Variants in MTFR1 observed in about 807,000 individuals in gnomAD.
MTFR1 encodes mitochondrial fission regulator 1, also known as chondrocyte protein with a poly-proline region.
In MTFR1, 28 loss-of-function variants were observed where a neutral mutation model predicts 38.8. The ratio of observed to expected loss-of-function variants is 0.72; its 90% CI spans 0.53 to 0.99. The LOEUF (loss-of-function observed/expected upper bound fraction) is 0.99. Ranked by LOEUF, MTFR1 falls within the 50% of genes least tolerant of loss-of-function variation. MTFR1 has a pLI of 0.00. For missense variants in MTFR1, 358 were observed against 395.5 expected (o/e 0.91, Z 0.81); for synonymous variants, 145 against 137.0 (o/e 1.06, Z -0.41).
chr8:65,744,863 T>C (rs1375851658), intron 3 of MTFR1, among the ~76,000 whole-genome samples: 3 of 152,154 alleles, frequency 2.0e-5, no homozygotes, highest in Non-Finnish European at 4.4e-5. Context: ...AACATAAAAT[T>C]ATGAGATTGA....
intron 3 of MTFR1, chr8:65,739,413 A>G: frequency 7.3e-7 from 1 of 1,379,006 alleles, no homozygotes; most frequent in Non-Finnish European, 9.5e-7. Flanking sequence ...TTATAGAGCA[A>G]TAGCTAACCG....
intron 1 of MTFR1, among the ~76,000 whole-genome samples, chr8:65,649,775 C>T (rs1809066084): frequency 6.6e-6 from 1 of 151,932 alleles, no homozygotes; most frequent in Non-Finnish European, 1.5e-5. Flanking sequence ...TTAACCATCC[C>T]TACTCCATCT....
intron 2 of MTFR1, among the ~76,000 whole-genome samples, chr8:65,681,402 G>A (rs186660590): frequency 1.3e-4 from 20 of 152,322 alleles, no homozygotes; most frequent in African/African-American, 4.6e-4. Flanking sequence ...TTACAGGCAG[G>A]AGCCGCCGCA....
At chr8:65,719,765 C>A in intron 3 of MTFR1, 1 of 432,496 alleles carries the variant, frequency 2.3e-6, no homozygotes, top group Non-Finnish European at 4.2e-6. Context: ...CTCAGTGGCA[C>A]AACTACATTC....
chr8:65,662,226 T>G (rs1468466552), intron 1 of MTFR1, among the ~76,000 whole-genome samples: 1 of 152,042 alleles, frequency 6.6e-6, no homozygotes, highest in East Asian at 1.9e-4. Flanking sequence ...GCCTGCCGAG[T>G]GCCTGCGATT....
chr8:65,668,759 C>G (rs982337669), intron 1 of MTFR1, among the ~76,000 whole-genome samples: 1 of 152,158 alleles, frequency 6.6e-6, no homozygotes, highest in Non-Finnish European at 1.5e-5. Flanking sequence ...AGCAATCCGC[C>G]TCCCTTGGCA....
intron 2 of MTFR1, among the ~76,000 whole-genome samples, chr8:65,680,090 T>C (rs550334660): frequency 6.6e-6 from 1 of 152,048 alleles, no homozygotes; most frequent in South Asian, 2.1e-4. Context: ...GTGATAAAAA[T>C]TATATGAAAG....
At chr8:65,654,288 A>G (rs1186138041) in intron 1 of MTFR1, among the ~76,000 whole-genome samples, 2 of 152,002 alleles carry the variant, frequency 1.3e-5, no homozygotes, top group Admixed American at 6.6e-5. Context: ...GTTATTTTTA[A>G]TGGAATTAAT....
chr8:65,653,592 A>G (rs967352637), intron 1 of MTFR1, among the ~76,000 whole-genome samples: 4 of 152,234 alleles, frequency 2.6e-5, no homozygotes, highest in South Asian at 4.1e-4. Context: ...GACAAAACTC[A>G]TAAACCAAGT....
At chr8:65,713,957 G>A (rs1209141620), downstream of MTFR1, among the ~76,000 whole-genome samples, 1 of 151,774 alleles carries the variant, frequency 6.6e-6, no homozygotes, top group Admixed American at 6.6e-5. Flanking sequence ...CAAAGAGCTG[G>A]GATTATGGAT....
chr8:65,719,191 G>C (rs1459593507), intron 2 of MTFR1: 11 of 774,670 alleles, frequency 1.4e-5, no homozygotes, highest in Non-Finnish European at 2.5e-5. Context: ...CACTCACTTG[G>C]AAACCTTGGC....
intron 3 of MTFR1, chr8:65,727,235 C>A (rs748532944): frequency 6.2e-7 from 1 of 1,613,828 alleles, no homozygotes; most frequent in Non-Finnish European, 8.5e-7. Flanking sequence ...CCTGGATGAT[C>A]CAGATCATGA....
chr8:65,750,474 C>CTGTGTGTG (rs371620919), intron 3 of MTFR1, among the ~76,000 whole-genome samples: 2,458 of 142,602 alleles, frequency 0.017, 48 homozygotes, highest in African/African-American at 0.05. Flanking sequence ...ATTAGAATCA[C>CTGTGTGTG]TGTGTGTGTG....
chr8:65,703,426 T>TTTG (rs1488743975), intron 4 of MTFR1, among the ~76,000 whole-genome samples: 17 of 117,640 alleles, frequency 1.4e-4, no homozygotes, highest in African/African-American at 5.3e-4. Context: ...CTGGTTTTTT[T>TTTG]TTTTTTTTTT....
intron 7 of MTFR1, among the ~76,000 whole-genome samples, chr8:65,708,653 ACTT>A (rs1309513247): frequency 2.0e-5 from 3 of 152,278 alleles, no homozygotes; most frequent in African/African-American, 7.2e-5. Context: ...CACCTTTGAA[ACTT>A]CTTAAGACAT....
intron 4 of MTFR1, among the ~76,000 whole-genome samples, chr8:65,698,368 G>A (rs1472945880): frequency 6.6e-6 from 1 of 151,644 alleles, no homozygotes; most frequent in African/African-American, 2.4e-5. Flanking sequence ...TCAAACTCCT[G>A]AGCTTAAGCG....
intron 1 of MTFR1, among the ~76,000 whole-genome samples, chr8:65,666,179 G>T (rs1804376354): frequency 6.6e-6 from 1 of 152,214 alleles, no homozygotes; most frequent in Non-Finnish European, 1.5e-5. Flanking sequence ...GGCCAAGGTG[G>T]GTGGATCACC....
Position 65,709,542 on chromosome 8 carries a change from G to C in MTFR1, c.*498G>C, listed in dbSNP as rs1805885465. ...ACAGCTGGTATAACATAAGTTGTTGGCATGAAATATTTGAGATTGGAAACT... is the reference window on the plus strand; with the variant it reads ...ACAGCTGGTATAACATAAGTTGTTGCCATGAAATATTTGAGATTGGAAACT... On this transcript the variant is annotated 3_prime_UTR_variant, in exon 8 of 8. Transcript: ENST00000262146. 1 of 152,862 alleles carries C rather than the reference G, an allele frequency of 6.5e-6. No individual in the cohort carries two copies. Among genetic ancestry groups the C allele is most frequent in the African/African-American group, 2.4e-5 (1 of 41,430 alleles). 9.5% of individuals were successfully genotyped at this position (152,862 alleles called of 1,614,324 possible).
chr8:65,746,793 G>A (rs1296471832), intron 3 of MTFR1, among the ~76,000 whole-genome samples: 2 of 152,102 alleles, frequency 1.3e-5, no homozygotes, highest in African/African-American at 4.8e-5. Context: ...AAGCAGGCAT[G>A]AACGCTTTCC....
Sources: gnomAD v4.1 joint callset for allele counts (sites outside exome capture counted in the v4.1 genomes callset) on GRCh38, gnomAD v4.1.1 for gene constraint, MANE v1.5 for transcripts, NCBI Gene and HGNC (gene_info 2026-07-23, HGNC 2026-07-21) for gene names.